The following PRR16 variants were observed in gnomAD, a reference collection of about 807,000 sequenced individuals.
PRR16 encodes the protein protein Largen.
Under a neutral mutation model 18.2 loss-of-function variants are expected in PRR16, and 6 were observed. That is an observed-to-expected ratio of 0.33 (90% CI 0.18 to 0.65). The LOEUF (loss-of-function observed/expected upper bound fraction) is 0.65. PRR16 is among the 30% of genes least tolerant of loss of function. The probability of loss-of-function intolerance (pLI) is 0.74; values close to 1 mark genes in which losing one functional copy is unlikely to be tolerated. For missense variants in PRR16, 412 were observed against 376.6 expected (o/e 1.09, Z -0.78); for synonymous variants, 151 against 147.8 (o/e 1.02, Z -0.16).
At chr5:120,781,910 G>T in the PRR16 span, among the ~76,000 whole-genome samples, 4 of 152,066 alleles carry the variant, frequency 2.6e-5, no homozygotes, top group African/African-American at 9.7e-5. Context: ...AAGGGAAAAG[G>T]TTGCAAGAAT....
chr5:120,556,628 T>G (rs1752422090), intron 1 of PRR16, among the ~76,000 whole-genome samples: 1 of 151,994 alleles, frequency 6.6e-6, no homozygotes, highest in African/African-American at 2.4e-5. Context: ...GCCATTTGCA[T>G]GTAAGAGTGT....
At chr5:120,688,873 G>A (rs1450197310), downstream of PRR16, among the ~76,000 whole-genome samples, 2 of 152,132 alleles carry the variant, frequency 1.3e-5, no homozygotes, top group African/African-American at 4.8e-5. Context: ...TAAGGATATT[G>A]AGCCAGACAC....
intron 1 of PRR16, among the ~76,000 whole-genome samples, chr5:120,593,146 A>T (rs1434856827): frequency 3.0e-4 from 45 of 152,044 alleles, no homozygotes; most frequent in Non-Finnish European, 2.9e-5. Context: ...CTAGCAGAAG[A>T]CAAGAAATAA....
At chr5:120,722,917 A>G in the PRR16 span, among the ~76,000 whole-genome samples, 3 of 151,422 alleles carry the variant, frequency 2.0e-5, no homozygotes, top group Admixed American at 6.6e-5. Flanking sequence ...GAAAGTATCT[A>G]TCTCTATATT....
intron 1 of PRR16, among the ~76,000 whole-genome samples, chr5:120,499,754 T>G (rs1750385311): frequency 1.3e-5 from 2 of 148,786 alleles, no homozygotes; most frequent in Admixed American, 1.3e-4. Flanking sequence ...GCTGTTGATA[T>G]CTACTGATTA....
the PRR16 span, among the ~76,000 whole-genome samples, chr5:120,724,468 C>T: frequency 6.6e-6 from 1 of 152,046 alleles, no homozygotes. Flanking sequence ...TTCAGATAAG[C>T]ACTTAGAATA....
At position 120,522,356 on chromosome 5, in the gene PRR16, T is replaced by C. The variant is rs544417283; in HGVS notation, c.159+57711T>C. On this transcript the variant is annotated intron_variant, in intron 1 of 1. Coordinates refer to ENST00000407149, the MANE Select transcript of PRR16 (RefSeq NM_001300783.2). Reference sequence around the variant, plus strand: ...CTGTTGTTTCCTGACTTTTTAATGATAGCCATTCTAACTGGTGTGAGATGG... The same window carrying C: ...CTGTTGTTTCCTGACTTTTTAATGACAGCCATTCTAACTGGTGTGAGATGG... Among the ~76,000 whole-genome samples, 25 of 152,344 alleles carry C rather than the reference T, an allele frequency of 1.6e-4. 1 individual carries two copies. The highest frequency in any genetic ancestry group is 1.6e-3 in the Admixed American group (25 of 15,306).
In PRR16 at chr5:120,672,395, A is replaced by C. The variant is rs536107336; in HGVS notation, c.160-13559A>C. ...AGAGAAGTGAAAAGAGTGTGGAGTG[A>C]GGATGGGTGGCACAGGAGCCTCCTG... On this transcript the variant is annotated intron_variant, in intron 1 of 1. Transcript: ENST00000407149. Among the ~76,000 whole-genome samples, 165 of 151,926 alleles carry C rather than the reference A, an allele frequency of 1.1e-3. 1 individual carries two copies. The highest frequency in any genetic ancestry group is 3.3e-3 in the Admixed American group (51 of 15,254).
the PRR16 span, among the ~76,000 whole-genome samples, chr5:120,755,267 A>C: frequency 6.6e-6 from 1 of 152,046 alleles, no homozygotes; most frequent in Non-Finnish European, 1.5e-5. Context: ...CAAGGGATGC[A>C]TGTTTGGCCT....
the PRR16 span, among the ~76,000 whole-genome samples, chr5:120,764,634 CAAGGAA>C: frequency 1.3e-5 from 2 of 151,692 alleles, no homozygotes; most frequent in Non-Finnish European, 2.9e-5. Flanking sequence ...CTTGATTAAT[CAAGGAA>C]AAGATTAAAT....
intron 1 of PRR16, among the ~76,000 whole-genome samples, chr5:120,630,811 C>T (rs1390831174): frequency 6.6e-6 from 1 of 152,182 alleles, no homozygotes; most frequent in Non-Finnish European, 1.5e-5. Context: ...TTTATTTCCA[C>T]ACCAGCTCAT....
chr5:120,787,032 C>A, the PRR16 span, among the ~76,000 whole-genome samples: 1 of 152,064 alleles, frequency 6.6e-6, no homozygotes, highest in African/African-American at 2.4e-5. Flanking sequence ...GCAATTAACC[C>A]GTTGATATGA....
At chr5:120,555,882 A>G (rs1334356429) in intron 1 of PRR16, among the ~76,000 whole-genome samples, 1 of 146,562 alleles carries the variant, frequency 6.8e-6, no homozygotes, top group Non-Finnish European at 1.5e-5. Context: ...GTTTTAGTTG[A>G]TGAAAGACAG....
intron 1 of PRR16, among the ~76,000 whole-genome samples, chr5:120,516,829 G>T (rs879294296): frequency 6.6e-6 from 1 of 152,124 alleles, no homozygotes; most frequent in Non-Finnish European, 1.5e-5. Flanking sequence ...AGGGATGCTG[G>T]TGGTTTCAGA....
At chr5:120,645,092 C>G (rs990068909) in intron 1 of PRR16, among the ~76,000 whole-genome samples, 2 of 152,052 alleles carry the variant, frequency 1.3e-5, no homozygotes, top group African/African-American at 4.8e-5. Context: ...TTTTAATTCT[C>G]TTTTAAAATG....
chr5:120,717,960 T>A, the PRR16 span, among the ~76,000 whole-genome samples: 2 of 152,200 alleles, frequency 1.3e-5, no homozygotes, highest in Non-Finnish European at 2.9e-5. Context: ...AGCAATTTAA[T>A]ATTCTGCTTT....
chr5:120,623,898 C>A (rs1239702084), intron 1 of PRR16, among the ~76,000 whole-genome samples: 2 of 151,654 alleles, frequency 1.3e-5, no homozygotes, highest in Admixed American at 1.3e-4. Flanking sequence ...TTTAATCATT[C>A]TACATAATAT....
chr5:120,764,266 G>A, the PRR16 span, among the ~76,000 whole-genome samples: 1 of 151,914 alleles, frequency 6.6e-6, no homozygotes, highest in Non-Finnish European at 1.5e-5. Context: ...TTTTTATCAT[G>A]AAATCATATT....
chr5:120,710,708 A>C, the PRR16 span: 1 of 152,188 alleles, frequency 6.6e-6, no homozygotes, highest in Admixed American at 6.5e-5. Context: ...TCCCACAGTG[A>C]TTGTTAAAAA....
Sources: gnomAD v4.1 joint callset for allele counts (sites outside exome capture counted in the v4.1 genomes callset) on GRCh38, gnomAD v4.1.1 for gene constraint, MANE v1.5 for transcripts, NCBI Gene and HGNC (gene_info 2026-07-23, HGNC 2026-07-21) for gene names.